Variants in ZNF157 observed in about 807,000 individuals in gnomAD.
ZNF157 encodes zinc finger protein 157, also known as zinc finger protein 22.
ZNF157 carries 8 observed loss-of-function variants against 9.4 expected under a neutral mutation model. The ratio of observed to expected loss-of-function variants is 0.85; its 90% CI spans 0.50 to 1.53. The LOEUF (loss-of-function observed/expected upper bound fraction) is 1.53, where lower values mean the gene tolerates loss of function less well. Ranked by LOEUF, ZNF157 falls within the 40% of genes most tolerant of loss-of-function variation. The pLI, the probability that ZNF157 is intolerant of heterozygous loss-of-function variation, is 0.00. For missense variants in ZNF157, 316 were observed against 385.2 expected (o/e 0.82, Z 1.50); for synonymous variants, 120 against 130.8 (o/e 0.92, Z 0.56).
intron 1 of ZNF157, among the ~76,000 whole-genome samples, chrX:47,401,642 C>T (rs956831278): frequency 1.8e-5 from 2 of 111,925 alleles, no homozygotes; most frequent in Non-Finnish European, 3.8e-5. Flanking sequence ...CTAAGAATTT[C>T]ACCATTTGAG....
At chrX:47,382,414 G>A (rs113818992) in intron 1 of ZNF157, among the ~76,000 whole-genome samples, 2,433 of 102,136 alleles carry the variant, frequency 0.024, 79 homozygotes, top group African/African-American at 0.085. Context: ...CTCAGCCTGC[G>A]AGTAGCTGGG....
At chrX:47,377,099 T>C (rs1303647533) in intron 1 of ZNF157, among the ~76,000 whole-genome samples, 2 of 110,773 alleles carry the variant, frequency 1.8e-5, no homozygotes, top group Non-Finnish European at 3.8e-5. Flanking sequence ...GATCGATAAA[T>C]TGGCTCATCT....
In ZNF157 at chrX:47,381,092, AAGAG is replaced by A. The variant is rs753867824; in HGVS notation, c.72+10354_72+10357del. Among the ~76,000 whole-genome samples the A allele has an allele frequency of 3.1e-5, 3 of 97,672 alleles. No individual in the cohort carries two copies. In the South Asian group the frequency reaches 1.6e-3, roughly 52 times the overall value. The allele number at this position is 97,672 out of a possible 115,157, so 84.8% of individuals were successfully genotyped here. On this transcript the variant is annotated intron_variant, in intron 1 of 3. Coordinates refer to ENST00000377073, the MANE Select transcript of ZNF157 (RefSeq NM_003446.4). Reference sequence around the variant, plus strand: ...GAGGAGGAGCAGGAGGAGGAGGAGAAAGAGAAGGAGGAAGAGCAGAAGGAGAAAG... The same window carrying A: ...GAGGAGGAGCAGGAGGAGGAGGAGAAAAGGAGGAAGAGCAGAAGGAGAAAG...
In ZNF157 at chrX:47,373,818, G is replaced by A. The variant is rs1055178565; in HGVS notation, c.72+3078G>A. Among the ~76,000 whole-genome samples the A allele has an allele frequency of 4.7e-5, 5 of 105,991 alleles. No individual in the cohort carries two copies. The Admixed American group carries it at 5.2e-4, about 11-fold the overall frequency. The allele number at this position is 105,991 out of a possible 115,157, so 92.0% of individuals were successfully genotyped here. A position where few individuals can be genotyped will look rare whatever the true frequency, so the allele number is the denominator to read the frequency against. On this transcript the variant is annotated intron_variant, in intron 1 of 3. Transcript: ENST00000377073. ...CGGGTTCAAGTGATCCTTCCAAGTA[G>A]CTAGGACCACAGGTGTGTGCCACCA...
intron 1 of ZNF157, among the ~76,000 whole-genome samples, chrX:47,388,411 G>A (rs1201752658): frequency 9.3e-6 from 1 of 107,609 alleles, no homozygotes; most frequent in African/African-American, 3.4e-5. Flanking sequence ...TTTTTTTTGA[G>A]TCAGAGTCTT....
chrX:47,375,955 A>G (rs1191870378), intron 1 of ZNF157, among the ~76,000 whole-genome samples: 5 of 111,815 alleles, frequency 4.5e-5, no homozygotes, highest in Admixed American at 2.9e-4. Flanking sequence ...TCAGCCTCCC[A>G]AAGTGCTGGG....
intron 1 of ZNF157, among the ~76,000 whole-genome samples, chrX:47,404,312 G>A (rs185588427): frequency 1.0e-4 from 11 of 108,198 alleles, no homozygotes; most frequent in Admixed American, 7.0e-4. Context: ...TTACAGGCGC[G>A]CACCACCATG....
At chrX:47,386,788 T>A (rs1438122924) in intron 1 of ZNF157, among the ~76,000 whole-genome samples, 1 of 111,706 alleles carries the variant, frequency 9.0e-6, no homozygotes, top group South Asian at 3.8e-4. Context: ...TATTTGTTAT[T>A]TATTTGCTTG....
chrX:47,414,428 T>C lies in ZNF157; in HGVS notation c.*834T>C, dbSNP rs2055976795. 8.9e-6 allele frequency: 1 copy of C among 112,176 alleles called. No homozygotes were observed. The highest frequency in any genetic ancestry group is 1.9e-5 in the Non-Finnish European group (1 of 53,311). 9.2% of individuals were successfully genotyped at this position (112,176 alleles called of 1,213,427 possible). Reference sequence around the variant, plus strand: ...AATCTCCTGTGAGATTTTTTTGTTATAGCATGAAGTGTGCAATACATACTA... The same window carrying C: ...AATCTCCTGTGAGATTTTTTTGTTACAGCATGAAGTGTGCAATACATACTA... On this transcript the variant is annotated 3_prime_UTR_variant, in exon 4 of 4. Transcript: ENST00000377073.
chrX:47,372,460 G>A (rs2055831676), intron 1 of ZNF157, among the ~76,000 whole-genome samples: 1 of 105,732 alleles, frequency 9.5e-6, no homozygotes, highest in Non-Finnish European at 1.9e-5. Context: ...CTTGCCCTAT[G>A]TATCTCTTTA....
chrX:47,408,644 G>T (rs1158470451), intron 1 of ZNF157, among the ~76,000 whole-genome samples: 1 of 111,135 alleles, frequency 9.0e-6, no homozygotes, highest in Non-Finnish European at 1.9e-5. Flanking sequence ...TCAAATTCCT[G>T]GGCTCAAGCT....
intron 1 of ZNF157, among the ~76,000 whole-genome samples, chrX:47,406,896 C>T (rs2055948969): frequency 8.9e-6 from 1 of 112,084 alleles, no homozygotes; most frequent in African/African-American, 3.2e-5. Context: ...GAATAGGATT[C>T]GTAAAAGTGG....
At chrX:47,403,708 A>T (rs747634553) in intron 1 of ZNF157, among the ~76,000 whole-genome samples, 7 of 111,981 alleles carry the variant, frequency 6.3e-5, no homozygotes, top group Non-Finnish European at 1.3e-4. Context: ...TTGAATGAGA[A>T]AAAAATCAAT....
At chrX:47,380,458 G>T (rs777880071) in intron 1 of ZNF157, among the ~76,000 whole-genome samples, 2 of 111,612 alleles carry the variant, frequency 1.8e-5, no homozygotes, top group African/African-American at 6.5e-5. Context: ...GCTGTGGCTT[G>T]TCAGCGCTTG....
intron 1 of ZNF157, among the ~76,000 whole-genome samples, chrX:47,403,104 TAC>T (rs201573538): frequency 2.9e-4 from 29 of 100,075 alleles, no homozygotes; most frequent in African/African-American, 4.7e-4. Flanking sequence ...CTACTGAAAA[TAC>T]ACACACACAC....
chrX:47,410,446 T>G (rs752120534), intron 2 of ZNF157, 44 bp downstream of exon 2: 2 of 1,197,724 alleles, frequency 1.7e-6, no homozygotes, highest in South Asian at 3.6e-5. Flanking sequence ...GTGTGTTTCC[T>G]TTCTTGGTTG....
At chrX:47,398,617 C>T (rs973418809) in intron 1 of ZNF157, among the ~76,000 whole-genome samples, 4 of 110,663 alleles carry the variant, frequency 3.6e-5, no homozygotes, top group African/African-American at 1.3e-4. Context: ...AAGCGATTCT[C>T]CTGCCTTTGC....
chrX:47,396,452 C>T (rs1310623941), intron 1 of ZNF157, among the ~76,000 whole-genome samples: 5 of 110,657 alleles, frequency 4.5e-5, no homozygotes, highest in Admixed American at 9.8e-5. Context: ...GACAGGAGAA[C>T]CGCTTGAACC....
intron 1 of ZNF157, among the ~76,000 whole-genome samples, chrX:47,381,851 A>T (rs1270542048): frequency 8.9e-6 from 1 of 111,977 alleles, no homozygotes; most frequent in African/African-American, 3.2e-5. Flanking sequence ...GACTTGCTCA[A>T]AGCCACTGTA....
Sources: gnomAD v4.1 joint callset for allele counts (sites outside exome capture counted in the v4.1 genomes callset) on GRCh38, gnomAD v4.1.1 for gene constraint, MANE v1.5 for transcripts, NCBI Gene and HGNC (gene_info 2026-07-23, HGNC 2026-07-21) for gene names.